Variants in ASPH observed in about 807,000 individuals in gnomAD.
ASPH encodes aspartyl/asparaginyl beta-hydroxylase.
In ASPH, 100 loss-of-function variants were observed where a neutral mutation model predicts 118.4. That is an observed-to-expected ratio of 0.84 (90% CI 0.72 to 1.00). The LOEUF is 1.00. ASPH is among the 50% of genes least tolerant of loss of function. The probability of loss-of-function intolerance (pLI) is 0.00; values close to 1 mark genes in which losing one functional copy is unlikely to be tolerated. For missense variants in ASPH, 920 were observed against 919.5 expected, an observed-to-expected ratio of 1.00 and a Z score of -0.01; for synonymous variants, 315 against 325.6, an observed-to-expected ratio of 0.97 and a Z score of 0.35.
chr8:61,619,723 T>C (rs193076432), intron 13 of ASPH, among the ~76,000 whole-genome samples: 2 of 152,344 alleles, frequency 1.3e-5, no homozygotes, highest in East Asian at 1.9e-4. Flanking sequence ...CATGTGTTTT[T>C]AACCTCATTT....
At chr8:61,671,296 T>C (rs1187450944) in intron 3 of ASPH, among the ~76,000 whole-genome samples, 1 of 152,156 alleles carries the variant, frequency 6.6e-6, no homozygotes, top group Non-Finnish European at 1.5e-5. Context: ...ATGCACTACT[T>C]TTCTCCTTTT....
At chr8:61,513,688 T>C (rs946618963) in intron 24 of ASPH, among the ~76,000 whole-genome samples, 3 of 152,164 alleles carry the variant, frequency 2.0e-5, no homozygotes, top group Non-Finnish European at 4.4e-5. Flanking sequence ...AAATTATTAT[T>C]ATCAGCAGCT....
intron 15 of ASPH, chr8:61,578,098 G>T: frequency 9.6e-7 from 1 of 1,045,368 alleles, no homozygotes; most frequent in East Asian, 2.6e-5. Context: ...TACAATGGGG[G>T]TACAGGTATT....
intron 3 of ASPH, chr8:61,661,057 C>T (rs1745806523): frequency 6.6e-6 from 1 of 152,070 alleles, no homozygotes; most frequent in Admixed American, 6.6e-5. Flanking sequence ...TTCAGGTTGT[C>T]ACAATATTCT....
intron 24 of ASPH, among the ~76,000 whole-genome samples, chr8:61,509,023 C>T (rs1435254707): frequency 6.6e-6 from 1 of 152,118 alleles, no homozygotes; most frequent in Admixed American, 6.5e-5. Context: ...TCTCTCTCTC[C>T]CCTTCTAACA....
chr8:61,686,198 G>A (rs1830456597), intron 1 of ASPH, among the ~76,000 whole-genome samples: 1 of 152,078 alleles, frequency 6.6e-6, no homozygotes, highest in Non-Finnish European at 1.5e-5. Flanking sequence ...CTATATAAAA[G>A]CTGGCTATAT....
In ASPH at chr8:61,561,148, T is replaced by TGAAGGAAGGAAGGAAGGA. The variant is rs1563822453; in HGVS notation, c.1437+1595_1437+1596insTCCTTCCTTCCTTCCTTC. On this transcript the variant is annotated intron_variant, in intron 18 of 24. Transcript: ENST00000379454. ...GGAGGGAGGGAGGGAGGAAGGAAGTTAGGAATTCTACAAGTTCCATTTTTG... is the reference window on the plus strand; with the variant it reads ...GGAGGGAGGGAGGGAGGAAGGAAGTTGAAGGAAGGAAGGAAGGAAGGAATTCTACAAGTTCCATTTTTG... 1.1e-3 allele frequency among the ~76,000 whole-genome samples: 121 copies of TGAAGGAAGGAAGGAAGGA among 115,234 alleles called. 3 individuals carry two copies. Among genetic ancestry groups the TGAAGGAAGGAAGGAAGGA allele is most frequent in the Non-Finnish European group, 1.3e-3 (70 of 54,866 alleles). The allele number at this position is 115,234 out of a possible 152,430, so 75.6% of individuals were successfully genotyped here.
chr8:61,518,020 C>T lies in ASPH; in HGVS notation c.1992+12G>A. 6.2e-7 allele frequency: 1 copy of T among 1,604,848 alleles called. No individual in the cohort carries two copies. Among genetic ancestry groups the T allele is most frequent in the Non-Finnish European group, 8.5e-7 (1 of 1,172,208 alleles). ...ATTAATTGTATTCTCCCCAGCACGA[C>T]ACTCTTGGTACCTGTCCTCTTCTGC... On this transcript the variant is annotated intron_variant, in intron 23 of 24. Coordinates refer to ENST00000379454, the MANE Select transcript of ASPH (RefSeq NM_004318.4).
In ASPH at chr8:61,617,696, C is replaced by T. The variant is rs147261056; in HGVS notation, c.976+1282G>A. Among the ~76,000 whole-genome samples the T allele has an allele frequency of 4.2e-3, 638 of 151,906 alleles. 7 individuals carry two copies. The highest frequency in any genetic ancestry group is 5.6e-3 in the Admixed American group (85 of 15,256). ...CTGTAACCTCAGCACTTTGGGAGGCCGAGGTGGGAGGATTACAACAAGGCC... is the reference window on the plus strand; with the variant it reads ...CTGTAACCTCAGCACTTTGGGAGGCTGAGGTGGGAGGATTACAACAAGGCC... On this transcript the variant is annotated intron_variant, in intron 14 of 24. Coordinates refer to ENST00000379454, the MANE Select transcript of ASPH (RefSeq NM_004318.4).
Position 61,700,132 on chromosome 8 carries a change from G to A in ASPH, c.103+14137C>T, listed in dbSNP as rs73269273. The stretch of plus-strand genomic sequence containing the variant: ...GGAGTGGAGGCCCAGGGGATTGAGG[G>A]TGGACCAAGTCATGTGTCACAGGGA... On this transcript the variant is annotated intron_variant, in intron 1 of 24. Coordinates refer to ENST00000379454, the MANE Select transcript of ASPH (RefSeq NM_004318.4). 4.2e-3 allele frequency among the ~76,000 whole-genome samples: 635 copies of A among 152,322 alleles called. 3 individuals are homozygous for A. The highest frequency in any genetic ancestry group is 0.015 in the African/African-American group (608 of 41,562).
chr8:61,550,186 T>C (rs1825432839), intron 20 of ASPH, among the ~76,000 whole-genome samples: 1 of 152,064 alleles, frequency 6.6e-6, no homozygotes, highest in African/African-American at 2.4e-5. Flanking sequence ...CCTAAACTAC[T>C]TTACAATAAA....
In ASPH at chr8:61,583,980, T is replaced by C. The variant is rs139952964; in HGVS notation, c.1026A>G (p.Lys342=). The C allele has an allele frequency of 1.3e-3, 2,106 of 1,585,262 alleles. 5 individuals carry two copies. The highest frequency in any genetic ancestry group is 1.4e-3 in the Non-Finnish European group (1,579 of 1,165,144). Reference sequence around the variant, plus strand: ...GTTTTTCTGCAGCATCAAGTTCAGCTTTAATAGTCTTATCAAATTTATTTA... The same window carrying C: ...GTTTTTCTGCAGCATCAAGTTCAGCCTTAATAGTCTTATCAAATTTATTTA... ...KLLNKFDKTI[K]AELDAAEKLR... Residue 342 remains lysine (K), a synonymous_variant, in exon 15 of 25, where the codon AAA becomes AAG. Transcript: ENST00000379454.
intron 24 of ASPH, among the ~76,000 whole-genome samples, chr8:61,516,070 T>A (rs755120868): frequency 2.6e-5 from 4 of 152,252 alleles, no homozygotes; most frequent in Non-Finnish European, 4.4e-5. Flanking sequence ...TTATTCTTTA[T>A]GTACCATACA....
At position 61,548,560 on chromosome 8, in the gene ASPH, A is replaced by G. The variant is rs367790160; in HGVS notation, c.1627-352T>C. Among the ~76,000 whole-genome samples, 3 of 152,154 alleles carry G rather than the reference A, an allele frequency of 2.0e-5. No individual in the cohort carries two copies. The East Asian group carries it at 5.8e-4, about 29-fold the overall frequency. On this transcript the variant is annotated intron_variant, in intron 20 of 24. Coordinates refer to ENST00000379454, the MANE Select transcript of ASPH (RefSeq NM_004318.4). The stretch of plus-strand genomic sequence containing the variant: ...AATAAGACACCAAAGGGCCTTTTCT[A>G]TTTTCTATTTCCATTAGAAAAAGAT...
chr8:61,642,864 A>C, intron 10 of ASPH, 24 bp downstream of exon 10: 1 of 1,531,466 alleles, frequency 6.5e-7, no homozygotes, highest in Non-Finnish European at 8.8e-7. Context: ...AAAGAAAAAA[A>C]AAAAAAAGAA....
chr8:61,608,374 A>G (rs950386557), intron 14 of ASPH, among the ~76,000 whole-genome samples: 2 of 152,196 alleles, frequency 1.3e-5, no homozygotes, highest in African/African-American at 4.8e-5. Flanking sequence ...AGCTGCCTCA[A>G]CTACCAAGCT....
intron 3 of ASPH, chr8:61,675,308 T>A: frequency 1.1e-6 from 1 of 911,030 alleles, no homozygotes; most frequent in Non-Finnish European, 1.3e-6. Flanking sequence ...CATATTCACA[T>A]GTTCCCTCTT....
In ASPH at chr8:61,520,429, C is replaced by A. The variant is rs75534494; in HGVS notation, c.1901-2306G>T. Among the ~76,000 whole-genome samples, 1,220 of 152,256 alleles carry A rather than the reference C, an allele frequency of 8.0e-3. 3 individuals carry two copies. Among genetic ancestry groups the A allele is most frequent in the Middle Eastern group, 0.041 (12 of 294 alleles). ...AATTGTGTCCTAAGATAATCACATA[C>A]TGAGAATAAAATAAGAGTTACAAAA... On this transcript the variant is annotated intron_variant, in intron 22 of 24. Transcript: ENST00000379454.
intron 1 of ASPH, among the ~76,000 whole-genome samples, chr8:61,690,640 A>G (rs1052400542): frequency 2.6e-5 from 4 of 152,216 alleles, no homozygotes; most frequent in African/African-American, 9.6e-5. Flanking sequence ...AAATTAATTT[A>G]GCACAAATAG....
Sources: gnomAD v4.1 joint callset for allele counts (sites outside exome capture counted in the v4.1 genomes callset) on GRCh38, gnomAD v4.1.1 for gene constraint, MANE v1.5 for transcripts, NCBI Gene and HGNC (gene_info 2026-07-23, HGNC 2026-07-21) for gene names.